The following NRIP3 variants were observed in gnomAD, a reference collection of about 807,000 sequenced individuals.
NRIP3 encodes the protein nuclear receptor interacting protein 3, also known as nuclear receptor-interacting protein 3.
A neutral mutation model predicts 29.0 loss-of-function variants in NRIP3; 31 were observed. That is an observed-to-expected ratio of 1.07 (90% CI 0.80 to 1.44). The LOEUF (loss-of-function observed/expected upper bound fraction) is 1.44, where lower values mean the gene tolerates loss of function less well. Ranked by LOEUF, NRIP3 falls within the 40% of genes most tolerant of loss-of-function variation. NRIP3 has a pLI of 0.00. For missense variants in NRIP3, 314 were observed against 297.9 expected, an observed-to-expected ratio of 1.05 and a Z score of -0.40; for synonymous variants, 131 against 118.3, an observed-to-expected ratio of 1.11 and a Z score of -0.70.
chr11:8,982,264 A>G lies in NRIP3; in HGVS notation c.*1281T>C, dbSNP rs1854429809. On this transcript the variant is annotated 3_prime_UTR_variant, in exon 7 of 7. Transcript: ENST00000309166. ...AGGGGTCAGGAAATACTGGGCAGTT[A>G]TAAAAAGTTGTCCTTAACATTGCCG... is the stretch of plus-strand genomic sequence containing the variant. The G allele has an allele frequency of 6.6e-6, 1 of 152,266 alleles. No homozygotes were observed. Among genetic ancestry groups the G allele is most frequent in the African/African-American group, 2.4e-5 (1 of 41,464 alleles). The allele number at this position is 152,266 out of a possible 1,614,324, so 9.4% of individuals were successfully genotyped here.
At chr11:8,987,462 G>T in intron 3 of NRIP3, 86 bp downstream of exon 3, 1 of 967,156 alleles carries the variant, frequency 1.0e-6, no homozygotes, top group Non-Finnish European at 1.7e-6. Flanking sequence ...CTGCTGTAGA[G>T]ACCCTCACCA....
chr11:9,004,226 C>G, upstream of NRIP3: 1 of 274,010 alleles, frequency 3.6e-6, no homozygotes, highest in Non-Finnish European at 6.8e-6. Context: ...CCACCGCGGC[C>G]TTTTCACCCA....
chr11:9,001,227 C>T (rs1730533725), intron 1 of NRIP3, among the ~76,000 whole-genome samples: 2 of 152,144 alleles, frequency 1.3e-5, no homozygotes, highest in Admixed American at 1.3e-4. Context: ...TCCAGATACA[C>T]AGGAATAGGC....
intron 1 of NRIP3, among the ~76,000 whole-genome samples, chr11:8,996,564 G>A (rs1854710267): frequency 1.3e-5 from 2 of 151,850 alleles, no homozygotes; most frequent in Non-Finnish European, 2.9e-5. Flanking sequence ...TACAGGTGTG[G>A]GCCATCACAC....
rs558607019 is a variant in NRIP3 at position 9,003,637 on chromosome 11, C to A, written c.174+125G>T. On this transcript the variant is annotated intron_variant, in intron 1 of 6. Coordinates refer to ENST00000309166, the MANE Select transcript of NRIP3 (RefSeq NM_020645.3). ...GGAAGGGGAGGAATCCGCGACGCAGCGACCGCGAGCCAAGGGCAGCGGCGG... is the reference window on the plus strand; with the variant it reads ...GGAAGGGGAGGAATCCGCGACGCAGAGACCGCGAGCCAAGGGCAGCGGCGG... 4 of 965,206 alleles carry A rather than the reference C, an allele frequency of 4.1e-6. No homozygotes were observed. In the African/African-American group the frequency reaches 6.9e-5, roughly 17 times the overall value. 59.8% of individuals were successfully genotyped at this position (965,206 alleles called of 1,614,324 possible).
Position 8,988,290 on chromosome 11 carries a change from G to A in NRIP3, c.175-8C>T, listed in dbSNP as rs770942840. On this transcript the variant is annotated splice_polypyrimidine_tract_variant and splice_region_variant and intron_variant, in intron 1 of 6. Transcript: ENST00000309166. ...CAGAATATTATGAGGTTGCTTGAGGGATAGAAAGCAGAGACTTCTTAGTGA... is the reference window on the plus strand; with the variant it reads ...CAGAATATTATGAGGTTGCTTGAGGAATAGAAAGCAGAGACTTCTTAGTGA... The A allele has an allele frequency of 1.9e-6, 3 of 1,611,186 alleles. No homozygotes were observed. In the African/African-American group the frequency reaches 4.0e-5, roughly 22 times the overall value.
chr11:8,995,639 T>C (rs1854688206), intron 1 of NRIP3, among the ~76,000 whole-genome samples: 1 of 152,230 alleles, frequency 6.6e-6, no homozygotes, highest in Non-Finnish European at 1.5e-5. Flanking sequence ...GCCTCTTCTT[T>C]TACCCTTCTC....
chr11:8,996,275 CTTTTTTT>C (rs386373056), intron 1 of NRIP3, among the ~76,000 whole-genome samples: 27 of 82,962 alleles, frequency 3.3e-4, no homozygotes, highest in South Asian at 5.5e-4. Context: ...CCTTTTTTTC[CTTTTTTT>C]TTTTTTTTTT....
chr11:8,996,589 T>G (rs940863188), intron 1 of NRIP3, among the ~76,000 whole-genome samples: 1 of 152,162 alleles, frequency 6.6e-6, no homozygotes, highest in Non-Finnish European at 1.5e-5. Context: ...CCAAAAAGCC[T>G]TTCTTGATTA....
In NRIP3 at chr11:8,983,427, T is replaced by C. The variant is rs1195881524; in HGVS notation, c.*118A>G. The C allele has an allele frequency of 4.6e-6, 4 of 863,958 alleles. No homozygotes were observed. The highest frequency in any genetic ancestry group is 2.5e-5 in the Admixed American group (1 of 40,488). 53.5% of individuals were successfully genotyped at this position (863,958 alleles called of 1,614,324 possible). On this transcript the variant is annotated 3_prime_UTR_variant, in exon 7 of 7. Coordinates refer to ENST00000309166, the MANE Select transcript of NRIP3 (RefSeq NM_020645.3). ...GGGAAGGAGCCCCTGGAGCTTCTAT[T>C]AGATGGAAGGACTTGGTCCACAGCA...
At chr11:8,997,092 G>A (rs1854720037) in intron 1 of NRIP3, among the ~76,000 whole-genome samples, 1 of 151,274 alleles carries the variant, frequency 6.6e-6, no homozygotes, top group African/African-American at 2.4e-5. Context: ...AAAGAAAAAA[G>A]GAGGCCAGGC....
In NRIP3 at chr11:8,988,184, G is replaced by C. The variant is rs746943486; in HGVS notation, c.273C>G (p.Leu91=). ...TTAGCCCCTCAGACTTAGCCTGATT[G>C]AGTTTGTTCGTCTTAGAGGCCCAAG... ...RVPWASKTNK[L]NQAKSEGLKK... is the part of the protein sequence containing the mutation. The change falls in exon 2 of 7, where the codon CTC becomes CTG. Residue 91 remains leucine (L), a synonymous_variant. Transcript: ENST00000309166. 3.1e-6 allele frequency: 5 copies of C among 1,614,068 alleles called. No homozygotes were observed. The Admixed American group carries it at 8.3e-5, about 27-fold the overall frequency.
chr11:9,003,728 C>T (rs761180611), intron 1 of NRIP3, 34 bp downstream of exon 1: 1 of 1,372,990 alleles, frequency 7.3e-7, no homozygotes, highest in Admixed American at 3.6e-5. Context: ...GCGAAGCCGC[C>T]GGGGCCGGGG....
At chr11:8,991,035 C>T (rs1172066611) in intron 1 of NRIP3, among the ~76,000 whole-genome samples, 1 of 152,128 alleles carries the variant, frequency 6.6e-6, no homozygotes, top group Admixed American at 6.5e-5. Context: ...GGTGCGGTGG[C>T]TCACACCTGT....
intron 1 of NRIP3, among the ~76,000 whole-genome samples, chr11:9,000,040 T>C (rs1240805862): frequency 6.6e-6 from 1 of 152,210 alleles, no homozygotes; most frequent in Non-Finnish European, 1.5e-5. Flanking sequence ...GGTTCACTAT[T>C]ATATCTCCAA....
chr11:8,983,876 T>C lies in NRIP3; in HGVS notation c.709A>G (p.Asn237Asp). Reference protein sequence around the residue: ...FVETVSLNEDNTSEA With the variant: ...FVETVSLNEDDTSEA ...GATCTGACCCATTTGGGCACTCACT[T>C]GTCTTCATTCAAAGAGACTGTCTCC... is the stretch of plus-strand genomic sequence containing the variant. Residue 237 changes from asparagine (N) to aspartate (D), a missense_variant and splice_region_variant, in exon 6 of 7, where the codon AAC becomes GAC. Transcript: ENST00000309166. The C allele has an allele frequency of 1.2e-6, 2 of 1,613,712 alleles. No individual in the cohort carries two copies. The highest frequency in any genetic ancestry group is 1.7e-6 in the Non-Finnish European group (2 of 1,179,578).
chr11:8,992,478 T>C lies in NRIP3; in HGVS notation c.175-4196A>G, dbSNP rs75969507. 7.9e-5 allele frequency among the ~76,000 whole-genome samples: 12 copies of C among 152,160 alleles called. No individual in the cohort carries two copies. The East Asian group carries it at 2.1e-3, about 27-fold the overall frequency. ...CAAGATTTCACATCACTGTGAAATT[T>C]TGGAATAGCATTGATGACAAAGATT... is the stretch of plus-strand genomic sequence containing the variant. On this transcript the variant is annotated intron_variant, in intron 1 of 6. Transcript: ENST00000309166.
chr11:8,996,814 G>A (rs1002324933), intron 1 of NRIP3, among the ~76,000 whole-genome samples: 1 of 152,176 alleles, frequency 6.6e-6, no homozygotes, highest in African/African-American at 2.4e-5. Context: ...CAGCACTTTG[G>A]GAGGCTGAGG....
upstream of NRIP3, chr11:9,004,260 C>T (rs1184653030): frequency 9.8e-6 from 2 of 204,158 alleles, no homozygotes; most frequent in African/African-American, 2.3e-5. Flanking sequence ...GCGTGGGGGC[C>T]CCGCATCCCC....
Sources: allele counts gnomAD v4.1 joint callset (sites outside exome capture counted in the v4.1 genomes callset), GRCh38; gene constraint gnomAD v4.1.1; transcripts MANE v1.5; gene names NCBI Gene and HGNC (gene_info 2026-07-23, HGNC 2026-07-21).